SOCS1: variants seen among roughly 807,000 people sequenced by gnomAD.
The protein encoded by SOCS1 is JAK binding protein.
Under a neutral mutation model 9.7 loss-of-function variants are expected in SOCS1, and 3 were observed. The ratio of observed to expected loss-of-function variants is 0.31; its 90% CI spans 0.14 to 0.80. SOCS1 has a LOEUF of 0.80. Ranked by LOEUF, SOCS1 falls within the 30% of genes least tolerant of loss-of-function variation. SOCS1 has a pLI of 0.61. For missense variants in SOCS1, 368 were observed against 324.7 expected (o/e 1.13, Z -1.02); for synonymous variants, 194 against 150.2 (o/e 1.29, Z -2.13).
chr16:11,256,042 T>TCCTCCCTCCCG (rs2069599121), intron 1 of SOCS1, 37 bp downstream of exon 1: 2 of 151,208 alleles, frequency 1.3e-5, no homozygotes, highest in South Asian at 2.1e-4. Flanking sequence ...CTCCCCTCCC[T>TCCTCCCTCCCG]CCTCCCTCCC....
In SOCS1 at chr16:11,254,841, G is replaced by T; in HGVS notation, c.*2C>A. 2 of 1,473,338 alleles carry T rather than the reference G, an allele frequency of 1.4e-6. No individual in the cohort carries two copies. The highest frequency in any genetic ancestry group is 1.8e-6 in the Non-Finnish European group (2 of 1,119,992). The allele number at this position is 1,473,338 out of a possible 1,614,324, so 91.3% of individuals were successfully genotyped here. A position where few individuals can be genotyped will look rare whatever the true frequency, so the allele number is the denominator to read the frequency against. ...TGCTGCGTGCACGGCGGGCGCTGCCGGTCAAATCTGGAAGGGGAAGGAGCT... is the reference window on the plus strand; with the variant it reads ...TGCTGCGTGCACGGCGGGCGCTGCCTGTCAAATCTGGAAGGGGAAGGAGCT... On this transcript the variant is annotated 3_prime_UTR_variant, in exon 2 of 2. Coordinates refer to ENST00000332029, the MANE Select transcript of SOCS1 (RefSeq NM_003745.2).
chr16:11,255,395 AGAG>A lies in SOCS1; in HGVS notation c.81_83del (p.Ser32del), dbSNP rs2069586607. 2 of 1,336,954 alleles carry A rather than the reference AGAG, an allele frequency of 1.5e-6. No individual in the cohort carries two copies. The highest frequency in any genetic ancestry group is 6.1e-5 in the East Asian group (2 of 32,736). The allele number at this position is 1,336,954 out of a possible 1,614,324, so 82.8% of individuals were successfully genotyped here. ...CGGGGGCCGCGGGCGAGGAGGAGGA[AGAG>A]GAGGAAGGTTCTGGCCGCCGTCGGG... On this transcript the variant is annotated inframe_deletion, in exon 2 of 2. Transcript: ENST00000332029.
Position 11,254,865 on chromosome 16 carries a change from C to T in SOCS1, c.614G>A (p.Ser205Asn). The change falls in exon 2 of 2, where the codon AGC (serine) becomes AAC (asparagine). Residue 205 changes from serine to asparagine, a missense_variant. By Grantham distance (46) the Ser-to-Asn change is conservative. Transcript: ENST00000332029. ...CGGTCAAATCTGGAAGGGGAAGGAG[C>T]TCAGGTAGTCGCGGAGGACGGGGTT... is the stretch of plus-strand genomic sequence containing the variant. ...PLNPVLRDYLSSFPFQI is the reference protein window; with the variant it reads ...PLNPVLRDYLNSFPFQI 1.3e-6 allele frequency: 2 copies of T among 1,490,274 alleles called. No individual in the cohort carries two copies. The highest frequency in any genetic ancestry group is 8.9e-7 in the Non-Finnish European group (1 of 1,129,806). The allele number at this position is 1,490,274 out of a possible 1,614,324, so 92.3% of individuals were successfully genotyped here. A position where few individuals can be genotyped will look rare whatever the true frequency, so the allele number is the denominator to read the frequency against.
rs879102216 is a variant in SOCS1, at chr16:11,254,760, G to C, written c.*83C>G. The C allele has an allele frequency of 1.8e-5, 25 of 1,388,790 alleles. No homozygotes were observed. The South Asian group carries it at 3.7e-4, about 20-fold the overall frequency. The allele number at this position is 1,388,790 out of a possible 1,614,324, so 86.0% of individuals were successfully genotyped here. Reference sequence around the variant, plus strand: ...CGCTCCCTCCAACCCAGGCCGGGGAGGGTACCCACATGGTTCCAGGCAAGT... The same window carrying C: ...CGCTCCCTCCAACCCAGGCCGGGGACGGTACCCACATGGTTCCAGGCAAGT... On this transcript the variant is annotated 3_prime_UTR_variant, in exon 2 of 2. Transcript: ENST00000332029.
rs762050808 is a variant in SOCS1 at position 11,254,975 on chromosome 16, C to G, written c.504G>C (p.Gln168His). The G allele has an allele frequency of 6.5e-7, 1 of 1,533,026 alleles. No individual in the cohort carries two copies. The highest frequency in any genetic ancestry group is 8.7e-7 in the Non-Finnish European group (1 of 1,145,906). 95.0% of individuals were successfully genotyped at this position (1,533,026 alleles called of 1,614,324 possible). A position where few individuals can be genotyped will look rare whatever the true frequency, so the allele number is the denominator to read the frequency against. ...GCTCCTGCAGCGGCCGCACGCGGCG[C>G]TGGCGCAGCGGGGCCCCCAGCATGC... ...PRRMLGAPLR[Q>H]RRVRPLQELC... Residue 168 changes from glutamine (Q) to histidine (H), a missense_variant, in exon 2 of 2, where the codon CAG becomes CAC. Coordinates refer to ENST00000332029, the MANE Select transcript of SOCS1 (RefSeq NM_003745.2).
At position 11,254,674 on chromosome 16, in the gene SOCS1, G is replaced by A. The variant is rs1326027944; in HGVS notation, c.*169C>T. The A allele has an allele frequency of 1.0e-6, 1 of 955,508 alleles. No individual in the cohort carries two copies. The highest frequency in any genetic ancestry group is 3.3e-5 in the East Asian group (1 of 30,268). The allele number at this position is 955,508 out of a possible 1,614,324, so 59.2% of individuals were successfully genotyped here. ...GGGGGAGGACCCCCTCAAGAGGTGA[G>A]AAGGGGTCTGCGGCCTCGTCTCCAG... is the stretch of plus-strand genomic sequence containing the variant. On this transcript the variant is annotated 3_prime_UTR_variant, in exon 2 of 2. Coordinates refer to ENST00000332029, the MANE Select transcript of SOCS1 (RefSeq NM_003745.2).
In SOCS1 at chr16:11,255,321, G is replaced by A. The variant is rs772494995; in HGVS notation, c.158C>T (p.Thr53Met). Residue 53 changes from threonine (T) to methionine (M), a missense_variant, in exon 2 of 2, where the codon ACG becomes ATG. By Grantham distance (81) the Thr-to-Met change is moderately conservative (BLOSUM62 -1). Coordinates refer to ENST00000332029, the MANE Select transcript of SOCS1 (RefSeq NM_003745.2). ...GTGCGAACGGAATGTGCGGAAGTGC[G>A]TGTCGCCGGGGGCCGGGGCCGGGAC... is the stretch of plus-strand genomic sequence containing the variant. ...PAVPAPAPGD[T>M]HFRTFRSHAD... 9.5e-6 allele frequency: 14 copies of A among 1,475,532 alleles called. No homozygotes were observed. Among genetic ancestry groups the A allele is most frequent in the Non-Finnish European group, 1.3e-5 (14 of 1,117,502 alleles). 91.4% of individuals were successfully genotyped at this position (1,475,532 alleles called of 1,614,324 possible). A position where few individuals can be genotyped will look rare whatever the true frequency, so the allele number is the denominator to read the frequency against.
rs2069572601 is a variant in SOCS1 at position 11,254,736 on chromosome 16, G to GCTCC, written c.*103_*106dup. On this transcript the variant is annotated 3_prime_UTR_variant, in exon 2 of 2. Transcript: ENST00000332029. ...AGGCGCCTCGCCCCTACACCCATCCGCTCCCTCCAACCCAGGCCGGGGAGG... is the reference window on the plus strand; with the variant it reads ...AGGCGCCTCGCCCCTACACCCATCCGCTCCCTCCCTCCAACCCAGGCCGGGGAGG... 5.2e-6 allele frequency: 7 copies of GCTCC among 1,353,988 alleles called. No homozygotes were observed. The South Asian group carries it at 1.4e-4, about 27-fold the overall frequency. 83.9% of individuals were successfully genotyped at this position (1,353,988 alleles called of 1,614,324 possible).
Position 11,254,755 on chromosome 16 carries a change from G to A in SOCS1, c.*88C>T, listed in dbSNP as rs898407449. On this transcript the variant is annotated 3_prime_UTR_variant, in exon 2 of 2. Transcript: ENST00000332029. ...CCATCCGCTCCCTCCAACCCAGGCC[G>A]GGGAGGGTACCCACATGGTTCCAGG... 1.4e-5 allele frequency: 20 copies of A among 1,381,522 alleles called. No homozygotes were observed. The Admixed American group carries it at 3.0e-4, about 21-fold the overall frequency. 85.6% of individuals were successfully genotyped at this position (1,381,522 alleles called of 1,614,324 possible). A position where few individuals can be genotyped will look rare whatever the true frequency, so the allele number is the denominator to read the frequency against.
chr16:11,254,525 T>A lies in SOCS1; in HGVS notation c.*318A>T, dbSNP rs2069569596. 2.7e-5 allele frequency: 8 copies of A among 297,984 alleles called. No homozygotes were observed. The Admixed American group carries it at 4.1e-4, about 15-fold the overall frequency. 18.5% of individuals were successfully genotyped at this position (297,984 alleles called of 1,614,324 possible). On this transcript the variant is annotated 3_prime_UTR_variant, in exon 2 of 2. Coordinates refer to ENST00000332029, the MANE Select transcript of SOCS1 (RefSeq NM_003745.2). ...AAGCCAGAGACCCTCCCCCAACCCC[T>A]GGTTTGTGCAAAGATACTGGGTATA...
In SOCS1 at chr16:11,254,435, A is replaced by G; in HGVS notation, c.*408T>C. 4.2e-6 allele frequency: 1 copy of G among 237,886 alleles called. No homozygotes were observed. The highest frequency in any genetic ancestry group is 8.2e-6 in the Non-Finnish European group (1 of 121,300). The allele number at this position is 237,886 out of a possible 1,614,324, so 14.7% of individuals were successfully genotyped here. ...TTTTTTTAAAAAAAAAACTTTCATAATAAAGTTTATTACCTAAACTGACTT... is the reference window on the plus strand; with the variant it reads ...TTTTTTTAAAAAAAAAACTTTCATAGTAAAGTTTATTACCTAAACTGACTT... On this transcript the variant is annotated 3_prime_UTR_variant, in exon 2 of 2. Transcript: ENST00000332029.
chr16:11,255,131 G>A lies in SOCS1; in HGVS notation c.348C>T (p.Ser116=), dbSNP rs752972498. ...TCGTGGGTCCCGAGGCCATCTTCAC[G>A]CTAAGGGCGAAAAAGCAGTTCCGCT... ...SRQRNCFFAL[S]VKMASGPTSI... Residue 116 remains serine, a synonymous_variant, in exon 2 of 2, where the codon AGC becomes AGT. Coordinates refer to ENST00000332029, the MANE Select transcript of SOCS1 (RefSeq NM_003745.2). The A allele has an allele frequency of 6.2e-7, 1 of 1,608,200 alleles. No individual in the cohort carries two copies. The highest frequency in any genetic ancestry group is 1.1e-5 in the South Asian group (1 of 90,816).
Position 11,255,015 on chromosome 16 carries a change from A to C in SOCS1, c.464T>G (p.Val155Gly), listed in dbSNP as rs770579097. 1.9e-6 allele frequency: 3 copies of C among 1,593,040 alleles called. No individual in the cohort carries two copies. Among genetic ancestry groups the C allele is most frequent in the East Asian group, 4.7e-5 (2 of 42,358 alleles). The stretch of plus-strand genomic sequence containing the variant: ...CCCCAGCATGCGGCGCGGCGCCGCC[A>C]CGTAGTGCTCCAGCAGCTCGAAGAG... ...DCLFELLEHY[V>G]AAPRRMLGAP... The change falls in exon 2 of 2, where the codon GTG (valine) becomes GGG (glycine). Residue 155 changes from valine (V) to glycine (G), a missense_variant. Physicochemically the swap from Val to Gly is moderately radical, Grantham distance 109. Transcript: ENST00000332029.
In SOCS1 at chr16:11,255,028, G is replaced by T; in HGVS notation, c.451C>A (p.Leu151Met). Residue 151 changes from leucine (L) to methionine (M), a missense_variant, in exon 2 of 2, where the codon CTG (leucine) becomes ATG (methionine). Physicochemically the swap from Leu to Met is conservative, Grantham distance 15. Transcript: ENST00000332029. ...CGCGGCGCCGCCACGTAGTGCTCCA[G>T]CAGCTCGAAGAGGCAGTCGAAGCTC... ...RESFDCLFEL[L>M]EHYVAAPRRM... 1 of 1,603,348 alleles carries T rather than the reference G, an allele frequency of 6.2e-7. No homozygotes were observed. Among genetic ancestry groups the T allele is most frequent in the Non-Finnish European group, 8.5e-7 (1 of 1,176,164 alleles).
Position 11,255,206 on chromosome 16 carries a change from C to T in SOCS1, c.273G>A (p.Glu91=). 6.3e-7 allele frequency: 1 copy of T among 1,579,848 alleles called. No homozygotes were observed. Among genetic ancestry groups the T allele is most frequent in the Non-Finnish European group, 8.6e-7 (1 of 1,169,220 alleles). The change falls in exon 2 of 2, where the codon GAG becomes GAA. Residue 91 remains glutamate (E), a synonymous_variant. Transcript: ENST00000332029. The part of the protein sequence containing the change: ...WGPLSVHGAH[E]RLRAEPVGTF... ...TGCCCACGGGCTCGGCGCGCAGCCG[C>T]TCGTGCGCCCCGTGCACGCTCAGGG...
rs2069571833 is a variant in SOCS1, at chr16:11,254,684, G to T, written c.*159C>A. 2 of 1,065,482 alleles carry T rather than the reference G, an allele frequency of 1.9e-6. No individual in the cohort carries two copies. Among genetic ancestry groups the T allele is most frequent in the Non-Finnish European group, 1.2e-6 (1 of 810,234 alleles). The allele number at this position is 1,065,482 out of a possible 1,614,324, so 66.0% of individuals were successfully genotyped here. ...CCCCTCAAGAGGTGAGAAGGGGTCTGCGGCCTCGTCTCCAGCCGAGGGCGG... is the reference window on the plus strand; with the variant it reads ...CCCCTCAAGAGGTGAGAAGGGGTCTTCGGCCTCGTCTCCAGCCGAGGGCGG... On this transcript the variant is annotated 3_prime_UTR_variant, in exon 2 of 2. Transcript: ENST00000332029.
rs1204109894 is a variant in SOCS1, at chr16:11,254,717, C to T, written c.*126G>A. 94 of 1,287,454 alleles carry T rather than the reference C, an allele frequency of 7.3e-5. No individual in the cohort carries two copies. Among genetic ancestry groups the T allele is most frequent in the Non-Finnish European group, 9.1e-5 (92 of 1,007,346 alleles). 79.8% of individuals were successfully genotyped at this position (1,287,454 alleles called of 1,614,324 possible). A position where few individuals can be genotyped will look rare whatever the true frequency, so the allele number is the denominator to read the frequency against. ...GTCTCCAGCCGAGGGCGGGAGGCGC[C>T]TCGCCCCTACACCCATCCGCTCCCT... On this transcript the variant is annotated 3_prime_UTR_variant, in exon 2 of 2. Transcript: ENST00000332029.
Position 11,255,137 on chromosome 16 carries a change from G to C in SOCS1, c.342C>G (p.Ala114=), listed in dbSNP as rs546422857. The part of the protein sequence containing the change: ...RDSRQRNCFF[A]LSVKMASGPT... ...GTCCCGAGGCCATCTTCACGCTAAG[G>C]GCGAAAAAGCAGTTCCGCTGGCGGC... The change falls in exon 2 of 2, where the codon GCC becomes GCG. Residue 114 remains alanine (A), a synonymous_variant. Transcript: ENST00000332029. 5.4e-5 allele frequency: 87 copies of C among 1,607,694 alleles called. 1 individual carries two copies. In the Middle Eastern group the frequency reaches 8.3e-4, roughly 15 times the overall value.
rs749151911 is a variant in SOCS1 at position 11,255,014 on chromosome 16, C to A, written c.465G>T (p.Val155=). 15 of 1,591,016 alleles carry A rather than the reference C, an allele frequency of 9.4e-6. No homozygotes were observed. The highest frequency in any genetic ancestry group is 1.2e-5 in the Non-Finnish European group (14 of 1,171,298). Residue 155 remains valine (V), a synonymous_variant, in exon 2 of 2, where the codon GTG becomes GTT. Transcript: ENST00000332029. ...CCCCCAGCATGCGGCGCGGCGCCGC[C>A]ACGTAGTGCTCCAGCAGCTCGAAGA... The part of the protein sequence containing the change: ...DCLFELLEHY[V]AAPRRMLGAP...
Sources: allele counts gnomAD v4.1 joint callset, GRCh38; gene constraint gnomAD v4.1.1; transcripts MANE v1.5; gene names NCBI Gene and HGNC (gene_info 2026-07-23, HGNC 2026-07-21).